The following PIWIL3 variants were observed in gnomAD, a reference collection of about 807,000 sequenced individuals.
The protein encoded by PIWIL3 is piwi-like protein 3.
Under a neutral mutation model 109.7 loss-of-function variants are expected in PIWIL3, and 101 were observed. That is an observed-to-expected ratio of 0.92 (90% confidence interval 0.78 to 1.09). The LOEUF (loss-of-function observed/expected upper bound fraction) is 1.09. PIWIL3 is among the 50% of genes least tolerant of loss of function. The pLI, the probability that PIWIL3 is intolerant of heterozygous loss-of-function variation, is 0.00. For synonymous variants in PIWIL3, 373 were observed against 376.4 expected, an observed-to-expected ratio of 0.99 and a Z score of 0.10; for missense variants, 1,031 against 1,072.6, an observed-to-expected ratio of 0.96 and a Z score of 0.54.
rs1219994958 is a variant in PIWIL3, at chr22:24,724,919, C to T, written c.2199G>A (p.Met733Ile). 6.2e-7 allele frequency: 1 copy of T among 1,614,096 alleles called. No homozygotes were observed. Among genetic ancestry groups the T allele is most frequent in the Non-Finnish European group, 8.5e-7 (1 of 1,180,002 alleles). The change falls in exon 18 of 21, where the codon ATG becomes ATA. Residue 733 changes from methionine (M) to isoleucine (I), a missense_variant. Transcript: ENST00000616349. ...GAGAGATGGTTTTTAAGTAGGTCGACATCTTTTTCGCTTCATGGTCAAGCA... is the reference window on the plus strand; with the variant it reads ...GAGAGATGGTTTTTAAGTAGGTCGATATCTTTTTCGCTTCATGGTCAAGCA... ...QALLDHEAKK[M>I]STYLKTISPN... is the part of the protein sequence containing the mutation.
chr22:24,749,082 G>C (rs1924548529), intron 11 of PIWIL3, 61 bp from the exon 12 acceptor site: 3 of 1,325,474 alleles, frequency 2.3e-6, no homozygotes, highest in Non-Finnish European at 3.2e-6. Context: ...CTAGCCATTT[G>C]TGCAAGGCAA....
In PIWIL3 at chr22:24,751,400, T is replaced by C. The variant is rs981177972; in HGVS notation, c.1076A>G (p.Asp359Gly). Residue 359 changes from aspartate (D) to glycine (G), a missense_variant, in exon 9 of 21, where the codon GAC becomes GGC. Asp to Gly is a moderately conservative substitution (Grantham distance 94). Coordinates refer to ENST00000616349, the MANE Select transcript of PIWIL3 (RefSeq NM_001255975.1). ...KSDGSKITYI[D>G]YYRQQHKEIV... ...ACAGTTTCATACCTGCCTGTAGTAG[T>C]CTATATAGGTGATTTTGCTGCCATC... 6.2e-7 allele frequency: 1 copy of C among 1,612,040 alleles called. No individual in the cohort carries two copies. Among genetic ancestry groups the C allele is most frequent in the African/African-American group, 1.3e-5 (1 of 74,814 alleles).
chr22:24,762,258 A>G, intron 2 of PIWIL3, 140 bp downstream of exon 2: 2 of 1,360,626 alleles, frequency 1.5e-6, no homozygotes, highest in South Asian at 3.3e-5. Flanking sequence ...CCATCTATAC[A>G]GCCTGACTTT....
intron 1 of PIWIL3, among the ~76,000 whole-genome samples, chr22:24,773,509 C>G (rs905845171): frequency 2.0e-5 from 3 of 152,124 alleles, no homozygotes; most frequent in Non-Finnish European, 4.4e-5. Context: ...CCATCTGCAT[C>G]ATCCCCATCA....
At chr22:24,751,284 A>T (rs1007699304) in intron 9 of PIWIL3, 103 bp downstream of exon 9, 17 of 1,205,196 alleles carry the variant, frequency 1.4e-5, no homozygotes, top group Non-Finnish European at 1.7e-5. Flanking sequence ...AAAGGAAAAT[A>T]TGTATGTTTA....
At chr22:24,741,310 C>G (rs1038578084) in intron 12 of PIWIL3, among the ~76,000 whole-genome samples, 4 of 152,162 alleles carry the variant, frequency 2.6e-5, no homozygotes, top group African/African-American at 4.8e-5. Context: ...GTCAGGAGAT[C>G]AAGACCATCC....
intron 14 of PIWIL3, among the ~76,000 whole-genome samples, chr22:24,729,194 T>A (rs1231011723): frequency 2.0e-5 from 3 of 152,136 alleles, no homozygotes; most frequent in Non-Finnish European, 4.4e-5. Context: ...GGAAATTTCT[T>A]AGAAAAGCTT....
At chr22:24,755,113 G>C (rs1246077566) in intron 6 of PIWIL3, among the ~76,000 whole-genome samples, 1 of 152,100 alleles carries the variant, frequency 6.6e-6, no homozygotes, top group African/African-American at 2.4e-5. Flanking sequence ...ACTGAACTAA[G>C]GTCTCTTTTT....
At position 24,759,190 on chromosome 22, in the gene PIWIL3, A is replaced by ACT. The variant is rs1925268837; in HGVS notation, c.223+678_223+679insAG. On this transcript the variant is annotated intron_variant, in intron 3 of 20. Transcript: ENST00000616349. ...GTGAGCCACTGCACCCAGTCCATGT[A>ACT]ATTTACACATACTATTTAATAACAA... Among the ~76,000 whole-genome samples the ACT allele has an allele frequency of 3.3e-5, 5 of 152,342 alleles. No individual in the cohort carries two copies. The South Asian group carries it at 1.0e-3, about 32-fold the overall frequency.
chr22:24,724,855 A>G, intron 18 of PIWIL3, 32 bp downstream of exon 18: 1 of 1,599,046 alleles, frequency 6.3e-7, no homozygotes, highest in Non-Finnish European at 8.5e-7. Context: ...TACAGGCATG[A>G]GTCACTACAC....
Position 24,749,421 on chromosome 22 carries a change from G to T in PIWIL3, c.1317C>A (p.Phe439Leu), listed in dbSNP as rs1310102666. ...PRRRHHTLKEFINTLQDNKKV... is the reference protein window; with the variant it reads ...PRRRHHTLKELINTLQDNKKV... ...GCACTTACTCTTGTAGAGTATTGATGAATTCTTTTAATGTATGATGCCTTC... is the reference window on the plus strand; with the variant it reads ...GCACTTACTCTTGTAGAGTATTGATTAATTCTTTTAATGTATGATGCCTTC... Residue 439 changes from phenylalanine to leucine, a missense_variant, in exon 11 of 21, where the codon TTC (phenylalanine) becomes TTA (leucine). Physicochemically the swap from Phe to Leu is conservative, Grantham distance 22. Transcript: ENST00000616349. 1.2e-6 allele frequency: 2 copies of T among 1,613,730 alleles called. No homozygotes were observed. The highest frequency in any genetic ancestry group is 2.7e-5 in the African/African-American group (2 of 74,902).
intron 6 of PIWIL3, 79 bp downstream of exon 6, chr22:24,755,705 A>G: frequency 1.3e-6 from 2 of 1,557,334 alleles, no homozygotes; most frequent in South Asian, 1.1e-5. Flanking sequence ...AAGTGCTAGA[A>G]GCAAATGGCT....
intron 4 of PIWIL3, 107 bp from the exon 5 acceptor site, chr22:24,756,812 GCTCACGCCT>G: frequency 2.1e-6 from 2 of 966,324 alleles, no homozygotes; most frequent in Non-Finnish European, 1.5e-6. Context: ...GGGCACGGTG[GCTCACGCCT>G]CTAATCCCAG....
chr22:24,720,999 A>C (rs552830165), intron 19 of PIWIL3, among the ~76,000 whole-genome samples: 2 of 152,294 alleles, frequency 1.3e-5, no homozygotes, highest in Non-Finnish European at 2.9e-5. Flanking sequence ...AGGCTTTTTT[A>C]TACTCCATCG....
intron 19 of PIWIL3, among the ~76,000 whole-genome samples, chr22:24,721,161 G>A (rs1922653316): frequency 1.3e-5 from 2 of 152,064 alleles, no homozygotes; most frequent in Admixed American, 1.3e-4. Context: ...GAGCATGTTT[G>A]TATTTCACTG....
intron 14 of PIWIL3, among the ~76,000 whole-genome samples, chr22:24,730,521 T>C (rs1394849536): frequency 2.0e-5 from 3 of 152,130 alleles, no homozygotes; most frequent in African/African-American, 7.2e-5. Context: ...GTAGCTGCCA[T>C]GAATTACAAT....
chr22:24,757,615 T>TACACACACACAC lies in PIWIL3; in HGVS notation c.355+281_355+292dup, dbSNP rs139481317. On this transcript the variant is annotated intron_variant, in intron 4 of 20. Transcript: ENST00000616349. ...AGACCGTGTCTCTACAAAATTTACATACACACACACACACACACACACATA... is the reference window on the plus strand; with the variant it reads ...AGACCGTGTCTCTACAAAATTTACATACACACACACACACACACACACACACACACACACATA... Among the ~76,000 whole-genome samples the TACACACACACAC allele has an allele frequency of 1.4e-3, 107 of 79,226 alleles. 2 individuals are homozygous for TACACACACACAC. Among genetic ancestry groups the TACACACACACAC allele is most frequent in the African/African-American group, 4.3e-3 (90 of 20,908 alleles). The allele number at this position is 79,226 out of a possible 152,430, so 52.0% of individuals were successfully genotyped here. A position where few individuals can be genotyped will look rare whatever the true frequency, so the allele number is the denominator to read the frequency against.
intron 13 of PIWIL3, among the ~76,000 whole-genome samples, chr22:24,734,849 C>CA (rs913147655): frequency 3.9e-4 from 47 of 121,148 alleles, no homozygotes; most frequent in African/African-American, 1.1e-3. Context: ...AAAAAAAAAC[C>CA]AAAAAAAACA....
At chr22:24,761,916 C>T (rs2147719204) in intron 2 of PIWIL3, 1 of 970,048 alleles carries the variant, frequency 1.0e-6, no homozygotes. Context: ...AGTATATGGT[C>T]CCCCTGGAGG....
Sources: allele counts gnomAD v4.1 joint callset (sites outside exome capture counted in the v4.1 genomes callset), GRCh38; gene constraint gnomAD v4.1.1; transcripts MANE v1.5; gene names NCBI Gene and HGNC (gene_info 2026-07-23, HGNC 2026-07-21).